Variants in AGPAT3 observed in about 807,000 individuals in gnomAD.
AGPAT3 encodes the protein 1-acylglycerol-3-phosphate O-acyltransferase 3, also known as 1-acyl-sn-glycerol-3-phosphate acyltransferase gamma.
AGPAT3 carries 5 observed loss-of-function variants against 47.3 expected under a neutral mutation model. The ratio of observed to expected loss-of-function variants is 0.11; its 90% confidence interval spans 0.06 to 0.22. AGPAT3 has a LOEUF of 0.22. Ranked by LOEUF, AGPAT3 falls within the 10% of genes least tolerant of loss-of-function variation. AGPAT3 has a pLI of 1.00. For synonymous variants in AGPAT3, 212 were observed against 208.3 expected (o/e 1.02, Z -0.15); for missense variants, 315 against 493.0 (o/e 0.64, Z 3.42).
chr21:43,968,763 A>G (rs2070542), intron 4 of AGPAT3, among the ~76,000 whole-genome samples: 92,632 of 151,988 alleles, frequency 0.61, 29,147 homozygotes, highest in African/African-American at 0.77. Context: ...AAGCTGCCTC[A>G]GATGAAACCT....
intron 1 of AGPAT3, among the ~76,000 whole-genome samples, chr21:43,898,568 C>G (rs1208740492): frequency 6.6e-6 from 1 of 152,222 alleles, no homozygotes; most frequent in Non-Finnish European, 1.5e-5. Context: ...GCTCTGTCGC[C>G]CAGGCTGGAG....
chr21:43,958,934 T>G (rs1484452719), intron 2 of AGPAT3, among the ~76,000 whole-genome samples: 1 of 121,462 alleles, frequency 8.2e-6, no homozygotes, highest in Non-Finnish European at 1.7e-5. Context: ...TGTGTGTGGC[T>G]TGTGTGTGTG....
At chr21:43,972,440 T>C (rs1378297803) in intron 7 of AGPAT3, among the ~76,000 whole-genome samples, 3 of 152,260 alleles carry the variant, frequency 2.0e-5, no homozygotes, top group East Asian at 3.9e-4. Context: ...GCCACCACGT[T>C]GGGCCGAAGA....
intron 2 of AGPAT3, among the ~76,000 whole-genome samples, chr21:43,946,500 T>C (rs2087894486): frequency 6.6e-6 from 1 of 151,774 alleles, no homozygotes; most frequent in African/African-American, 2.4e-5. Context: ...CTTGGGAGGC[T>C]GAGGCAGGAG....
At chr21:43,957,330 A>G (rs985863178) in intron 2 of AGPAT3, among the ~76,000 whole-genome samples, 4 of 152,148 alleles carry the variant, frequency 2.6e-5, no homozygotes, top group African/African-American at 9.7e-5. Context: ...GGTGTGGAAC[A>G]GGGGCCGCCC....
Position 43,906,098 on chromosome 21 carries a change from T to A in AGPAT3, c.-49+2079T>A, listed in dbSNP as rs925715293. 2.6e-5 allele frequency among the ~76,000 whole-genome samples: 4 copies of A among 152,192 alleles called. No homozygotes were observed. In the East Asian group the frequency reaches 7.7e-4, roughly 29 times the overall value. On this transcript the variant is annotated intron_variant, in intron 2 of 9. Transcript: ENST00000291572. ...GGACAGGGACATCACGGTTCTGTAA[T>A]AACTGAGGTCTAGGAAAAAGAACAG...
chr21:43,960,668 T>A, intron 3 of AGPAT3: 1 of 880,698 alleles, frequency 1.1e-6, no homozygotes, highest in Non-Finnish European at 1.4e-6. Context: ...CACCTGTCAC[T>A]GGAGACTAAT....
intron 1 of AGPAT3, among the ~76,000 whole-genome samples, chr21:43,901,563 G>A (rs1303670594): frequency 6.6e-6 from 1 of 151,880 alleles, no homozygotes; most frequent in Non-Finnish European, 1.5e-5. Flanking sequence ...TGTGAGGATT[G>A]TTTGAGCTCA....
At chr21:43,890,587 A>G (rs999271749) in intron 1 of AGPAT3, among the ~76,000 whole-genome samples, 4 of 151,130 alleles carry the variant, frequency 2.6e-5, no homozygotes, top group African/African-American at 9.7e-5. Flanking sequence ...TCATTTTTGC[A>G]CTTTTTGTAG....
intron 1 of AGPAT3, among the ~76,000 whole-genome samples, chr21:43,881,415 C>T (rs1390848080): frequency 2.6e-5 from 4 of 152,314 alleles, no homozygotes; most frequent in African/African-American, 9.6e-5. Flanking sequence ...GGATGTCGCC[C>T]TCAGAGAACG....
chr21:43,926,600 C>T (rs2087059847), intron 2 of AGPAT3, among the ~76,000 whole-genome samples: 1 of 144,168 alleles, frequency 6.9e-6, no homozygotes, highest in Admixed American at 7.0e-5. Context: ...AGCTCTGTGT[C>T]GTGCTGCTGG....
At chr21:43,867,298 C>T (rs2085529762) in intron 1 of AGPAT3, 1 of 152,266 alleles carries the variant, frequency 6.6e-6, no homozygotes, top group Admixed American at 6.5e-5. Flanking sequence ...CTCCACAGAC[C>T]CGTCCGGGTG....
rs536556306 is a variant in AGPAT3 at position 43,985,115 on chromosome 21, C to T, written c.*2723C>T. On this transcript the variant is annotated 3_prime_UTR_variant, in exon 10 of 10. Coordinates refer to ENST00000291572, the MANE Select transcript of AGPAT3 (RefSeq NM_020132.5). ...GGCCGGTCAAGCTCCCAGCCTGGGCCGTGGTCTCCTGGGGACGCCGCTGGC... is the reference window on the plus strand; with the variant it reads ...GGCCGGTCAAGCTCCCAGCCTGGGCTGTGGTCTCCTGGGGACGCCGCTGGC... 7.5e-4 allele frequency: 340 copies of T among 456,284 alleles called. 1 individual carries two copies. The highest frequency in any genetic ancestry group is 1.3e-3 in the Admixed American group (54 of 42,588). The allele number at this position is 456,284 out of a possible 1,614,324, so 28.3% of individuals were successfully genotyped here.
chr21:43,972,230 C>T (rs537027969), intron 7 of AGPAT3, among the ~76,000 whole-genome samples: 11 of 152,246 alleles, frequency 7.2e-5, no homozygotes, highest in African/African-American at 2.2e-4. Flanking sequence ...CTGCAACCTC[C>T]GCCTCCCCGG....
intron 2 of AGPAT3, among the ~76,000 whole-genome samples, chr21:43,905,312 CCT>C (rs1555900431): frequency 6.6e-6 from 1 of 151,902 alleles, no homozygotes; most frequent in Non-Finnish European, 1.5e-5. Flanking sequence ...GCCTCAGCCC[CCT>C]GAGTAGCTGG....
intron 2 of AGPAT3, among the ~76,000 whole-genome samples, chr21:43,943,236 G>A (rs542863175): frequency 2.6e-4 from 39 of 152,136 alleles, no homozygotes; most frequent in African/African-American, 8.2e-4. Flanking sequence ...CACCACGCCC[G>A]GCTAATTTTT....
Position 43,920,668 on chromosome 21 carries a change from C to G in AGPAT3, c.-49+16649C>G, listed in dbSNP as rs1485586126. 6.6e-6 allele frequency among the ~76,000 whole-genome samples: 1 copy of G among 152,172 alleles called. No individual in the cohort carries two copies. The highest frequency in any genetic ancestry group is 2.4e-5 in the African/African-American group (1 of 41,450). On this transcript the variant is annotated intron_variant, in intron 2 of 9. Coordinates refer to ENST00000291572, the MANE Select transcript of AGPAT3 (RefSeq NM_020132.5). The surrounding 1 kb of genome is among the most constrained non-coding windows in gnomAD (Gnocchi z 6.1). ...TCGTGCCTGTGTAATGAAGCCTCCA[C>G]AGACTCCCTCAAGGACAGCGTTTGG... is the stretch of plus-strand genomic sequence containing the variant.
At chr21:43,893,896 G>T (rs1416927289) in intron 1 of AGPAT3, among the ~76,000 whole-genome samples, 1 of 152,202 alleles carries the variant, frequency 6.6e-6, no homozygotes, top group Non-Finnish European at 1.5e-5. Flanking sequence ...TAACAATCAT[G>T]AAAAAGTTTG....
chr21:43,880,527 G>T lies in AGPAT3; in HGVS notation c.-112+15182G>T, dbSNP rs1000371550. On this transcript the variant is annotated intron_variant, in intron 1 of 9. Transcript: ENST00000291572. The surrounding 1 kb of genome is among the most constrained non-coding windows in gnomAD (Gnocchi z 4.5). ...TGCTGGTGGCTGTCCAGCTTTACTG[G>T]CAGGGATTCTGATGACTCAGAGACA... Among the ~76,000 whole-genome samples, 1 of 152,228 alleles carries T rather than the reference G, an allele frequency of 6.6e-6. No homozygotes were observed.
Sources: allele counts gnomAD v4.1 joint callset (sites outside exome capture counted in the v4.1 genomes callset), GRCh38; gene constraint gnomAD v4.1.1; non-coding constraint Gnocchi (gnomAD v3.1); transcripts MANE v1.5; gene names NCBI Gene and HGNC (gene_info 2026-07-23, HGNC 2026-07-21).